Variants in OPCML observed in about 807,000 individuals in gnomAD.
OPCML encodes opioid-binding protein/cell adhesion molecule.
A neutral mutation model predicts 37.8 loss-of-function variants in OPCML; 13 were observed. The ratio of observed to expected loss-of-function variants is 0.34; its 90% CI spans 0.22 to 0.55. OPCML has a LOEUF of 0.55. Ranked by LOEUF, OPCML falls within the 20% of genes least tolerant of loss-of-function variation. The probability of loss-of-function intolerance (pLI) is 0.91; values close to 1 mark genes in which losing one functional copy is unlikely to be tolerated. For missense variants in OPCML, 341 were observed against 435.6 expected, an observed-to-expected ratio of 0.78 and a Z score of 1.93; for synonymous variants, 176 against 168.8, an observed-to-expected ratio of 1.04 and a Z score of -0.33.
Position 132,458,727 on chromosome 11 carries a change from A to T in OPCML, c.506-21368T>A, listed in dbSNP as rs114922136. ...CGATGAAAAATAAATATTTTCCAAC[A>T]TAAAGATCAGTAAAGACAGTTTTGA... On this transcript the variant is annotated intron_variant, in intron 4 of 7. Transcript: ENST00000524381. 3.3e-5 allele frequency among the ~76,000 whole-genome samples: 5 copies of T among 152,332 alleles called. No homozygotes were observed. In the East Asian group the frequency reaches 7.7e-4, roughly 24 times the overall value.
intron 2 of OPCML, among the ~76,000 whole-genome samples, chr11:132,684,920 C>T (rs1268031232): frequency 6.6e-6 from 1 of 152,120 alleles, no homozygotes; most frequent in Non-Finnish European, 1.5e-5. Flanking sequence ...ATTGGTACAG[C>T]TATTAGATAT....
chr11:133,391,766 G>A (rs912725294), intron 1 of OPCML, among the ~76,000 whole-genome samples: 3 of 152,104 alleles, frequency 2.0e-5, no homozygotes, highest in African/African-American at 7.2e-5. Flanking sequence ...TGCTTATCAC[G>A]TGTCAGACCT....
At chr11:133,331,297 G>A (rs1943614356) in intron 1 of OPCML, among the ~76,000 whole-genome samples, 1 of 152,166 alleles carries the variant, frequency 6.6e-6, no homozygotes. Flanking sequence ...CTTGACCCAT[G>A]TCTTAGATCC....
At chr11:132,589,211 T>A (rs2096479938) in intron 3 of OPCML, among the ~76,000 whole-genome samples, 3 of 152,172 alleles carry the variant, frequency 2.0e-5, no homozygotes, top group Admixed American at 6.5e-5. Flanking sequence ...TAGAAACCAT[T>A]GTTTTATACC....
At position 133,370,847 on chromosome 11, in the gene OPCML, T is replaced by G. The variant is rs183664746; in HGVS notation, c.61+161417A>C. On this transcript the variant is annotated intron_variant, in intron 1 of 7. Coordinates refer to ENST00000524381, the MANE Select transcript of OPCML (RefSeq NM_001012393.5). ...GGACTATATTAAACTAAAAAGTTCTTCACAGCAAAGCAAATAACCAAAAGA... is the reference window on the plus strand; with the variant it reads ...GGACTATATTAAACTAAAAAGTTCTGCACAGCAAAGCAAATAACCAAAAGA... Among the ~76,000 whole-genome samples the G allele has an allele frequency of 3.1e-3, 470 of 152,282 alleles. 2 individuals are homozygous for G. Among genetic ancestry groups the G allele is most frequent in the African/African-American group, 9.9e-3 (413 of 41,560 alleles).
chr11:133,439,118 T>C (rs1179595536), intron 1 of OPCML: 3 of 183,628 alleles, frequency 1.6e-5, no homozygotes, highest in African/African-American at 7.2e-5. Flanking sequence ...GAACCCTGAT[T>C]TGTGGCAGGT....
chr11:133,106,377 A>G (rs1017936611), intron 1 of OPCML, among the ~76,000 whole-genome samples: 1 of 152,252 alleles, frequency 6.6e-6, no homozygotes, highest in Non-Finnish European at 1.5e-5. Flanking sequence ...ATGGAAATAC[A>G]TAACGCAGAC....
intron 3 of OPCML, among the ~76,000 whole-genome samples, chr11:132,529,893 G>A (rs1477616288): frequency 6.6e-6 from 1 of 152,122 alleles, no homozygotes; most frequent in Non-Finnish European, 1.5e-5. Context: ...TTTTTAAATG[G>A]CATCATATCC....
At chr11:133,019,397 G>A (rs1044692265) in intron 1 of OPCML, among the ~76,000 whole-genome samples, 2 of 152,188 alleles carry the variant, frequency 1.3e-5, no homozygotes, top group African/African-American at 4.8e-5. Flanking sequence ...AGTGAGCAGA[G>A]AGAAGTGAGG....
chr11:133,070,783 T>C (rs1948520267), intron 1 of OPCML, among the ~76,000 whole-genome samples: 1 of 152,196 alleles, frequency 6.6e-6, no homozygotes, highest in Non-Finnish European at 1.5e-5. Context: ...ATGAAAATTG[T>C]ACCAGGGATA....
chr11:132,878,180 T>C (rs1243700416), intron 2 of OPCML, among the ~76,000 whole-genome samples: 3 of 98,060 alleles, frequency 3.1e-5, no homozygotes, highest in African/African-American at 9.7e-5. Flanking sequence ...AAATTCCATC[T>C]CAAAAAAAAA....
chr11:132,575,773 T>C (rs1450062135), intron 3 of OPCML, among the ~76,000 whole-genome samples: 1 of 152,096 alleles, frequency 6.6e-6, no homozygotes, highest in Non-Finnish European at 1.5e-5. Flanking sequence ...TGCTATTTAG[T>C]GTCCTTTTAT....
At chr11:133,000,418 G>C (rs528388269) in intron 1 of OPCML, among the ~76,000 whole-genome samples, 1 of 152,214 alleles carries the variant, frequency 6.6e-6, no homozygotes, top group Non-Finnish European at 1.5e-5. Context: ...CATCCTGAAA[G>C]TGTGTCAGAA....
intron 1 of OPCML, among the ~76,000 whole-genome samples, chr11:133,354,403 T>C (rs1466962188): frequency 1.3e-5 from 2 of 151,888 alleles, no homozygotes; most frequent in Non-Finnish European, 2.9e-5. Flanking sequence ...TACTGAATGC[T>C]TACTATAAAA....
chr11:132,896,868 C>T (rs1192033441), intron 2 of OPCML, among the ~76,000 whole-genome samples: 1 of 152,212 alleles, frequency 6.6e-6, no homozygotes, highest in Non-Finnish European at 1.5e-5. Context: ...TGGTGTGGGG[C>T]ATGTCAAGAT....
chr11:132,527,967 G>A (rs1254975750), intron 4 of OPCML, among the ~76,000 whole-genome samples: 1 of 152,138 alleles, frequency 6.6e-6, no homozygotes, highest in Non-Finnish European at 1.5e-5. Context: ...GTGATTACCA[G>A]CAAACCATCA....
At chr11:133,316,349 T>TTC (rs1279908827) in intron 1 of OPCML, among the ~76,000 whole-genome samples, 1 of 152,178 alleles carries the variant, frequency 6.6e-6, no homozygotes, top group Non-Finnish European at 1.5e-5. Context: ...CAGCCCCTTT[T>TTC]TATTCTGTTC....
intron 1 of OPCML, among the ~76,000 whole-genome samples, chr11:133,408,220 G>T: frequency 6.6e-6 from 1 of 152,166 alleles, no homozygotes; most frequent in East Asian, 1.9e-4. Flanking sequence ...TGAGATGCGT[G>T]TGAGCATATA....
At chr11:133,229,596 A>G in intron 1 of OPCML, among the ~76,000 whole-genome samples, 1 of 152,064 alleles carries the variant, frequency 6.6e-6, no homozygotes, top group East Asian at 1.9e-4. Flanking sequence ...TAATAGGAAG[A>G]CAAAAAAAAT....
Sources: allele counts gnomAD v4.1 joint callset (sites outside exome capture counted in the v4.1 genomes callset), GRCh38; gene constraint gnomAD v4.1.1; transcripts MANE v1.5; gene names NCBI Gene and HGNC (gene_info 2026-07-23, HGNC 2026-07-21).